Variants in C9orf85 observed in about 807,000 individuals in gnomAD.
The protein encoded by C9orf85 is chromosome 9 open reading frame 85.
A neutral mutation model predicts 14.9 loss-of-function variants in C9orf85; 16 were observed. That is an observed-to-expected ratio of 1.08 (90% CI 0.73 to 1.63). C9orf85 has a LOEUF of 1.63. Among genes scored for constraint, C9orf85 ranks in the 40% most tolerant of loss-of-function variants. C9orf85 has a pLI of 0.00. For synonymous variants in C9orf85, 45 were observed against 56.8 expected (o/e 0.79, Z 0.93); for missense variants, 172 against 186.1 (o/e 0.92, Z 0.44).
At chr9:71,941,803 AGGTGT>A (rs1457535322) in intron 1 of C9orf85, 1 of 152,192 alleles carries the variant, frequency 6.6e-6, no homozygotes, top group Non-Finnish European at 1.5e-5. Flanking sequence ...CATTTTTCTT[AGGTGT>A]GGTAACAGTA....
intron 1 of C9orf85, chr9:71,941,788 T>A (rs1253371580): frequency 2.0e-5 from 3 of 152,218 alleles, no homozygotes; most frequent in Admixed American, 2.0e-4. Context: ...TAAGGAGTTA[T>A]CTTTCATTTT....
rs1321718335 is a variant in C9orf85 at position 71,911,703 on chromosome 9, G to C, written c.-32G>C. Reference sequence around the variant, plus strand: ...TTTCTTTCCCCTCATCCTTTTGCCTGCTCCCGGCGAGGGGTGGCTTTGATT... The same window carrying C: ...TTTCTTTCCCCTCATCCTTTTGCCTCCTCCCGGCGAGGGGTGGCTTTGATT... On this transcript the variant is annotated 5_prime_UTR_variant, in exon 1 of 4. Coordinates refer to ENST00000334731, the MANE Select transcript of C9orf85 (RefSeq NM_182505.5). The C allele has an allele frequency of 6.3e-7, 1 of 1,590,776 alleles. No individual in the cohort carries two copies.
At chr9:71,968,097 T>TAGAGAGAG (rs779158859) in intron 2 of C9orf85, among the ~76,000 whole-genome samples, 632 of 37,234 alleles carry the variant, frequency 0.017, 7 homozygotes, top group East Asian at 0.076. Context: ...CATATATATA[T>TAGAGAGAG]ATATAGAGAG....
downstream of C9orf85, among the ~76,000 whole-genome samples, chr9:71,973,967 C>T (rs1265394467): frequency 6.6e-6 from 1 of 150,786 alleles, no homozygotes; most frequent in African/African-American, 2.4e-5. Flanking sequence ...ACTCTTGTTG[C>T]ACAGGCTGGA....
At chr9:71,951,557 C>T (rs1461441650) in intron 2 of C9orf85, among the ~76,000 whole-genome samples, 1 of 152,136 alleles carries the variant, frequency 6.6e-6, no homozygotes, top group Non-Finnish European at 1.5e-5. Context: ...TGCGGGAGGG[C>T]TGCAATGGTG....
chr9:71,914,239 G>A (rs1468756393), intron 1 of C9orf85, among the ~76,000 whole-genome samples: 1 of 152,112 alleles, frequency 6.6e-6, no homozygotes, highest in African/African-American at 2.4e-5. Flanking sequence ...CATAAAGCAA[G>A]CTTGTCCAAC....
intron 2 of C9orf85, among the ~76,000 whole-genome samples, chr9:71,954,905 CT>C (rs1277236615): frequency 1.3e-5 from 2 of 152,198 alleles, no homozygotes; most frequent in Non-Finnish European, 2.9e-5. Flanking sequence ...CACCATAAGG[CT>C]GCCTTCCTAA....
chr9:71,931,604 G>T (rs1423044066), intron 1 of C9orf85, among the ~76,000 whole-genome samples: 1 of 152,154 alleles, frequency 6.6e-6, no homozygotes, highest in African/African-American at 2.4e-5. Flanking sequence ...GTAATATTTG[G>T]TAGATGTGTG....
chr9:71,974,387 G>A (rs1195192173), downstream of C9orf85, among the ~76,000 whole-genome samples: 2 of 151,596 alleles, frequency 1.3e-5, no homozygotes, highest in Non-Finnish European at 2.9e-5. Flanking sequence ...GGGACTGCAG[G>A]CCTGCACCAC....
At chr9:71,965,706 T>TACAGGCATGAGCCACTGTGCCC in intron 2 of C9orf85, among the ~76,000 whole-genome samples, 1 of 152,202 alleles carries the variant, frequency 6.6e-6, no homozygotes, top group South Asian at 2.1e-4. Flanking sequence ...GTGCTGGGTT[T>TACAGGCATGAGCCACTGTGCCC]ACAGGCATGA....
intron 1 of C9orf85, among the ~76,000 whole-genome samples, chr9:71,917,918 C>T (rs921250980): frequency 6.6e-6 from 1 of 152,258 alleles, no homozygotes; most frequent in African/African-American, 2.4e-5. Context: ...CACAGTGGCT[C>T]ATGCCTGTAA....
At chr9:71,914,826 T>A (rs902164957) in intron 1 of C9orf85, among the ~76,000 whole-genome samples, 1 of 152,240 alleles carries the variant, frequency 6.6e-6, no homozygotes, top group Non-Finnish European at 1.5e-5. Flanking sequence ...TCCCTGGGGT[T>A]ATTTAAAAGA....
intron 2 of C9orf85, among the ~76,000 whole-genome samples, chr9:71,956,905 G>A (rs1822394954): frequency 6.6e-6 from 1 of 151,854 alleles, no homozygotes; most frequent in South Asian, 2.1e-4. Flanking sequence ...TAGAATATAT[G>A]ACAAGAAGAA....
chr9:71,925,742 T>G (rs1827916998), intron 1 of C9orf85, among the ~76,000 whole-genome samples: 1 of 152,218 alleles, frequency 6.6e-6, no homozygotes, highest in South Asian at 2.1e-4. Context: ...TTTATATATC[T>G]GAATGTAGCG....
At chr9:71,925,652 T>C (rs760626711) in intron 1 of C9orf85, among the ~76,000 whole-genome samples, 6 of 152,146 alleles carry the variant, frequency 3.9e-5, no homozygotes, top group Non-Finnish European at 7.3e-5. Context: ...AAGGAACATA[T>C]AGCTGAAAGA....
At chr9:71,916,111 C>A (rs544837537) in intron 1 of C9orf85, among the ~76,000 whole-genome samples, 31 of 152,236 alleles carry the variant, frequency 2.0e-4, no homozygotes, top group South Asian at 1.0e-3. Flanking sequence ...TATGTTAATA[C>A]TACAGCAGTA....
intron 1 of C9orf85, among the ~76,000 whole-genome samples, chr9:71,940,439 GAAAC>G (rs1483633023): frequency 6.6e-6 from 1 of 151,850 alleles, no homozygotes; most frequent in Admixed American, 6.6e-5. Context: ...GTCTCTTAAA[GAAAC>G]AAACAAACAA....
At chr9:71,980,803 C>A (rs982647737) in intron 3 of C9orf85, among the ~76,000 whole-genome samples, 3 of 152,216 alleles carry the variant, frequency 2.0e-5, no homozygotes, top group African/African-American at 7.2e-5. Flanking sequence ...GTCTCTGCAA[C>A]ACTTGTGGCT....
At chr9:71,984,194 A>G (rs949374671), downstream of C9orf85, 5 of 152,198 alleles carry the variant, frequency 3.3e-5, no homozygotes, top group Non-Finnish European at 4.4e-5. Context: ...GCTCTTGTCC[A>G]CCACTAGACT....
Sources: gnomAD v4.1 joint callset for allele counts (sites outside exome capture counted in the v4.1 genomes callset) on GRCh38, gnomAD v4.1.1 for gene constraint, MANE v1.5 for transcripts, NCBI Gene and HGNC (gene_info 2026-07-23, HGNC 2026-07-21) for gene names.